FAM240A: variants seen among roughly 807,000 people sequenced by gnomAD.
FAM240A encodes protein FAM240A.
In FAM240A, 8 loss-of-function variants were observed where a neutral mutation model predicts 7.3. The ratio of observed to expected loss-of-function variants is 1.09; its 90% CI spans 0.64 to 1.97. The LOEUF (loss-of-function observed/expected upper bound fraction) is 1.97, where lower values mean the gene tolerates loss of function less well. FAM240A is among the 30% of genes most tolerant of loss of function. The pLI, the probability that FAM240A is intolerant of heterozygous loss-of-function variation, is 0.00. For missense variants in FAM240A, 90 were observed against 102.2 expected, an observed-to-expected ratio of 0.88 and a Z score of 0.52; for synonymous variants, 32 against 35.9, an observed-to-expected ratio of 0.89 and a Z score of 0.38.
chr3:46,613,383 A>C (rs959845932), intron 1 of FAM240A, among the ~76,000 whole-genome samples: 2 of 152,050 alleles, frequency 1.3e-5, no homozygotes, highest in Non-Finnish European at 2.9e-5. Flanking sequence ...AATCCCAGAT[A>C]CTGGGGAGGC....
intron 1 of FAM240A, among the ~76,000 whole-genome samples, chr3:46,616,038 G>A (rs939695216): frequency 4.6e-5 from 7 of 152,208 alleles, no homozygotes; most frequent in African/African-American, 9.6e-5. Flanking sequence ...TTGTGATAAC[G>A]AAATGGACTT....
intron 2 of FAM240A, among the ~76,000 whole-genome samples, chr3:46,618,836 G>A (rs530581194): frequency 4.9e-5 from 7 of 143,692 alleles, no homozygotes; most frequent in African/African-American, 1.8e-4. Flanking sequence ...GCAAAACTCT[G>A]TCTCAAAAAG....
intron 1 of FAM240A, among the ~76,000 whole-genome samples, chr3:46,613,610 C>T (rs1697593784): frequency 6.6e-6 from 1 of 152,188 alleles, no homozygotes; most frequent in African/African-American, 2.4e-5. Context: ...AACTCGACCT[C>T]AGCCAATCCC....
intron 2 of FAM240A, among the ~76,000 whole-genome samples, chr3:46,618,882 T>TGC (rs1697663692): frequency 1.3e-5 from 1 of 77,184 alleles, no homozygotes; most frequent in Non-Finnish European, 3.4e-5. Flanking sequence ...TATATATATA[T>TGC]ACACACACAC....
At chr3:46,618,101 A>G (rs1697651414) in intron 2 of FAM240A, among the ~76,000 whole-genome samples, 1 of 152,068 alleles carries the variant, frequency 6.6e-6, no homozygotes, top group African/African-American at 2.4e-5. Context: ...GGAGTATGAG[A>G]CCTTGTGTGC....
intron 1 of FAM240A, among the ~76,000 whole-genome samples, chr3:46,615,136 A>G (rs1431693036): frequency 2.0e-5 from 3 of 152,132 alleles, no homozygotes; most frequent in African/African-American, 7.2e-5. Context: ...TGGAGTGAAC[A>G]TCTGGCTTCA....
intron 1 of FAM240A, among the ~76,000 whole-genome samples, chr3:46,614,774 C>A (rs1031075140): frequency 3.9e-5 from 6 of 152,142 alleles, no homozygotes; most frequent in Non-Finnish European, 8.8e-5. Context: ...GGCCAACAGA[C>A]CAAGGATAGA....
At chr3:46,621,920 T>C (rs1379192648) in intron 2 of FAM240A, among the ~76,000 whole-genome samples, 33 of 152,100 alleles carry the variant, frequency 2.2e-4, no homozygotes. Context: ...ATGATTTCCC[T>C]TTTCTGTATT....
chr3:46,617,123 T>C (rs1439924105), intron 1 of FAM240A, 60 bp from the exon 2 acceptor site: 4 of 1,090,362 alleles, frequency 3.7e-6, no homozygotes, highest in African/African-American at 1.6e-5. Context: ...TGATGATGAG[T>C]GATGTTGAGC....
Position 46,614,863 on chromosome 3 carries a change from T to C in FAM240A, c.15+2165T>C, listed in dbSNP as rs529432726. 3.9e-5 allele frequency among the ~76,000 whole-genome samples: 6 copies of C among 152,340 alleles called. No individual in the cohort carries two copies. The South Asian group carries it at 1.2e-3, about 32-fold the overall frequency. ...AATAAAGATTCACACTTATTCAAAG[T>C]TGTCAATGACATTTAATTAGCTCAG... On this transcript the variant is annotated intron_variant, in intron 1 of 2. Coordinates refer to ENST00000640551, the MANE Select transcript of FAM240A (RefSeq NM_001195442.2).
Position 46,625,430 on chromosome 3 carries a change from A to T in FAM240A, c.*212A>T, listed in dbSNP as rs1697746035. Reference sequence around the variant, plus strand: ...CTCTGTGCATGGGCGCCAGGTTATTATCCCAAATGTCTCTAAAGATAGCTT... The same window carrying T: ...CTCTGTGCATGGGCGCCAGGTTATTTTCCCAAATGTCTCTAAAGATAGCTT... On this transcript the variant is annotated 3_prime_UTR_variant, in exon 3 of 3. Transcript: ENST00000640551. The T allele has an allele frequency of 3.0e-6, 1 of 331,924 alleles. No homozygotes were observed. Among genetic ancestry groups the T allele is most frequent in the South Asian group, 9.2e-5 (1 of 10,918 alleles). 20.6% of individuals were successfully genotyped at this position (331,924 alleles called of 1,614,324 possible). A position where few individuals can be genotyped will look rare whatever the true frequency, so the allele number is the denominator to read the frequency against.
chr3:46,622,951 A>T (rs1697713895), intron 2 of FAM240A, among the ~76,000 whole-genome samples: 1 of 152,198 alleles, frequency 6.6e-6, no homozygotes, highest in African/African-American at 2.4e-5. Context: ...AGGTCAATTT[A>T]GGGAGAAATG....
At chr3:46,621,177 A>AT (rs1460782417) in intron 2 of FAM240A, among the ~76,000 whole-genome samples, 1 of 151,900 alleles carries the variant, frequency 6.6e-6, no homozygotes, top group Non-Finnish European at 1.5e-5. Context: ...AGTTCCATTA[A>AT]TTTTTTCTGT....
At position 46,625,317 on chromosome 3, in the gene FAM240A, C is replaced by T; in HGVS notation, c.*99C>T. 1.3e-6 allele frequency: 1 copy of T among 779,076 alleles called. No homozygotes were observed. The highest frequency in any genetic ancestry group is 2.0e-6 in the Non-Finnish European group (1 of 491,516). 48.3% of individuals were successfully genotyped at this position (779,076 alleles called of 1,614,324 possible). On this transcript the variant is annotated 3_prime_UTR_variant, in exon 3 of 3. Coordinates refer to ENST00000640551, the MANE Select transcript of FAM240A (RefSeq NM_001195442.2). ...TGAGTCCCTTTGCTATACCAATCAGCTCTCACACTATTGTTTCCCCACCTG... is the reference window on the plus strand; with the variant it reads ...TGAGTCCCTTTGCTATACCAATCAGTTCTCACACTATTGTTTCCCCACCTG...
intron 2 of FAM240A, 133 bp downstream of exon 2, chr3:46,617,461 C>A: frequency 4.4e-6 from 3 of 678,490 alleles, no homozygotes; most frequent in Non-Finnish European, 6.8e-6. Context: ...CACGCAATTG[C>A]CCCACTGTCA....
intron 2 of FAM240A, among the ~76,000 whole-genome samples, chr3:46,624,658 A>G (rs963336841): frequency 1.3e-5 from 2 of 152,022 alleles, no homozygotes; most frequent in Non-Finnish European, 2.9e-5. Context: ...TTTTCATTCC[A>G]TGTGTACATC....
At chr3:46,622,476 A>C (rs879642907) in intron 2 of FAM240A, among the ~76,000 whole-genome samples, 1 of 152,140 alleles carries the variant, frequency 6.6e-6, no homozygotes, top group Non-Finnish European at 1.5e-5. Context: ...AAGGTCACAA[A>C]GATTGTCTTC....
At position 46,612,644 on chromosome 3, in the gene FAM240A, C is replaced by T. The variant is rs1033789562; in HGVS notation, c.-40C>T. 49 of 1,528,910 alleles carry T rather than the reference C, an allele frequency of 3.2e-5. No individual in the cohort carries two copies. The highest frequency in any genetic ancestry group is 7.8e-5 in the Admixed American group (4 of 50,958). 94.7% of individuals were successfully genotyped at this position (1,528,910 alleles called of 1,614,324 possible). A position where few individuals can be genotyped will look rare whatever the true frequency, so the allele number is the denominator to read the frequency against. ...ATGCCTCACAGGCGGTCAAGTGCGA[C>T]ACATTTGGTTCGACTGAATCGATGT... is the stretch of plus-strand genomic sequence containing the variant. On this transcript the variant is annotated 5_prime_UTR_variant, in exon 1 of 3. Coordinates refer to ENST00000640551, the MANE Select transcript of FAM240A (RefSeq NM_001195442.2).
intron 2 of FAM240A, among the ~76,000 whole-genome samples, chr3:46,618,852 AAGATATAT>A (rs1697660525): frequency 9.7e-6 from 1 of 102,902 alleles, no homozygotes. Context: ...AAAAGAAAAA[AAGATATAT>A]ATATATGTAT....
Sources: gnomAD v4.1 joint callset for allele counts (sites outside exome capture counted in the v4.1 genomes callset) on GRCh38, gnomAD v4.1.1 for gene constraint, MANE v1.5 for transcripts, NCBI Gene and HGNC (gene_info 2026-07-23, HGNC 2026-07-21) for gene names.